TBC1D1: variants seen among roughly 807,000 people sequenced by gnomAD.
The protein encoded by TBC1D1 is TBC1 domain family member 1.
In TBC1D1, 89 loss-of-function variants were observed where a neutral mutation model predicts 125.6. The observed-to-expected ratio is 0.71, with a 90% CI of 0.60 to 0.85. TBC1D1 has a LOEUF of 0.85. Ranked by LOEUF, TBC1D1 falls within the 40% of genes least tolerant of loss-of-function variation. The probability of loss-of-function intolerance (pLI) is 0.00; values close to 1 mark genes in which losing one functional copy is unlikely to be tolerated. For missense variants in TBC1D1, 1,377 were observed against 1,469.2 expected (o/e 0.94, Z 1.03); for synonymous variants, 565 against 564.1 (o/e 1.00, Z -0.02).
intron 19 of TBC1D1, among the ~76,000 whole-genome samples, chr4:38,135,262 A>G (rs1488998397): frequency 1.3e-5 from 2 of 152,230 alleles, no homozygotes; most frequent in South Asian, 4.1e-4. Flanking sequence ...TCCCTGTTAA[A>G]TACATGTGAA....
chr4:37,939,416 A>C (rs1320423140), intron 2 of TBC1D1, among the ~76,000 whole-genome samples: 2 of 152,056 alleles, frequency 1.3e-5, no homozygotes, highest in Non-Finnish European at 2.9e-5. Flanking sequence ...TAGATTCTGG[A>C]TATTAGCCCT....
rs141022543 is a variant in TBC1D1 at position 38,129,925 on chromosome 4, G to A, written c.3133-3159G>A. On this transcript the variant is annotated intron_variant, in intron 18 of 19. Coordinates refer to ENST00000261439, the MANE Select transcript of TBC1D1 (RefSeq NM_015173.4). ...TGCTGATGGCAGTGCACATTGATTA[G>A]TGGCTGTTGGGAGACAATTTGGCGA... Among the ~76,000 whole-genome samples, 547 of 152,296 alleles carry A rather than the reference G, an allele frequency of 3.6e-3. 4 individuals are homozygous for A. The highest frequency in any genetic ancestry group is 0.012 in the African/African-American group (498 of 41,550).
intron 8 of TBC1D1, among the ~76,000 whole-genome samples, chr4:38,042,717 T>C (rs1748630898): frequency 6.6e-6 from 1 of 152,168 alleles, no homozygotes; most frequent in Non-Finnish European, 1.5e-5. Context: ...GAGGAACATT[T>C]CACCTGGGCA....
intron 2 of TBC1D1, among the ~76,000 whole-genome samples, chr4:37,989,287 T>A (rs756440771): frequency 6.6e-6 from 1 of 152,230 alleles, no homozygotes; most frequent in Non-Finnish European, 1.5e-5. Flanking sequence ...TGATTCCAGA[T>A]CTTTAGATAA....
chr4:38,022,211 A>G (rs1744191006), intron 6 of TBC1D1, among the ~76,000 whole-genome samples: 1 of 151,862 alleles, frequency 6.6e-6, no homozygotes, highest in African/African-American at 2.4e-5. Flanking sequence ...AACGGTGACT[A>G]TTAGTATTGA....
intron 14 of TBC1D1, among the ~76,000 whole-genome samples, chr4:38,099,376 A>G (rs547618038): frequency 6.6e-6 from 1 of 152,188 alleles, no homozygotes; most frequent in African/African-American, 2.4e-5. Flanking sequence ...GTGCGTATAC[A>G]TGGAAAAACA....
chr4:38,103,274 T>A, intron 15 of TBC1D1, 117 bp downstream of exon 17: 1 of 1,031,928 alleles, frequency 9.7e-7, no homozygotes. Flanking sequence ...CAAAATTTAC[T>A]ACTGAGACTT....
intron 1 of TBC1D1, among the ~76,000 whole-genome samples, chr4:37,893,094 T>A (rs1340196474): frequency 6.6e-6 from 1 of 152,124 alleles, no homozygotes; most frequent in Non-Finnish European, 1.5e-5. Flanking sequence ...CACAGCAGCA[T>A]CTTCAGTTGT....
chr4:37,948,234 T>C (rs7661459), intron 2 of TBC1D1, among the ~76,000 whole-genome samples: 108,272 of 152,134 alleles, frequency 0.71, 38,899 homozygotes, highest in East Asian at 0.96. Flanking sequence ...AGTGGGTGTG[T>C]GAAGAAGAGC....
chr4:37,932,003 A>T (rs1240154964), intron 2 of TBC1D1, among the ~76,000 whole-genome samples: 1 of 152,186 alleles, frequency 6.6e-6, no homozygotes, highest in Non-Finnish European at 1.5e-5. Context: ...TTTTGGTAGG[A>T]TTTTGACTAA....
chr4:38,111,638 C>CAAAAGCTTCAAAT (rs1468204994), intron 15 of TBC1D1, among the ~76,000 whole-genome samples: 18 of 152,236 alleles, frequency 1.2e-4, no homozygotes, highest in Admixed American at 8.5e-4. Flanking sequence ...TTATTTGAAG[C>CAAAAGCTTCAAAT]ATATAAAGCA....
At chr4:38,052,728 G>GCGCGCGCGCACA (rs1491148206) in intron 11 of TBC1D1, among the ~76,000 whole-genome samples, 6 of 118,276 alleles carry the variant, frequency 5.1e-5, no homozygotes, top group African/African-American at 2.1e-4. Flanking sequence ...GCGCGCGCGC[G>GCGCGCGCGCACA]CACACACACA....
At chr4:38,119,551 T>G (rs1484709940) in intron 17 of TBC1D1, among the ~76,000 whole-genome samples, 1 of 152,038 alleles carries the variant, frequency 6.6e-6, no homozygotes, top group Non-Finnish European at 1.5e-5. Context: ...AGCCTCAAAA[T>G]TGTGTGCTTA....
chr4:38,006,599 C>T (rs1703834120), intron 2 of TBC1D1, among the ~76,000 whole-genome samples: 1 of 151,828 alleles, frequency 6.6e-6, no homozygotes, highest in Admixed American at 6.6e-5. Flanking sequence ...CTGCCTCAGC[C>T]TCCCGAGTAG....
At chr4:38,021,552 T>A in intron 5 of TBC1D1, 34 bp from the exon 6 acceptor site, 1 of 1,469,602 alleles carries the variant, frequency 6.8e-7, no homozygotes, top group Non-Finnish European at 9.0e-7. Flanking sequence ...AAATTGACTT[T>A]TTGGTGACTA....
intron 6 of TBC1D1, among the ~76,000 whole-genome samples, chr4:38,024,814 C>T (rs13116058): frequency 0.033 from 4,986 of 152,232 alleles, 114 homozygotes; most frequent in Non-Finnish European, 0.052. Flanking sequence ...TGATCAAGAA[C>T]TCTGTAAAAC....
intron 2 of TBC1D1, among the ~76,000 whole-genome samples, chr4:37,948,129 A>C (rs1235889921): frequency 6.6e-6 from 1 of 152,160 alleles, no homozygotes; most frequent in Non-Finnish European, 1.5e-5. Context: ...TGGTAGGAAA[A>C]AGAGTGTGAA....
intron 18 of TBC1D1, 36 bp from the exon 21 acceptor site, chr4:38,133,046 TCA>T: frequency 6.3e-7 from 1 of 1,578,186 alleles, no homozygotes; most frequent in South Asian, 1.2e-5. Flanking sequence ...GGGGTTTTTC[TCA>T]GTTTTAGTAC....
chr4:38,063,380 C>A (rs1430211260), intron 12 of TBC1D1, among the ~76,000 whole-genome samples: 1 of 152,130 alleles, frequency 6.6e-6, no homozygotes, highest in African/African-American at 2.4e-5. Context: ...CATCCTGGTC[C>A]CTGGTCCTCT....
Sources: gnomAD v4.1 joint callset for allele counts (sites outside exome capture counted in the v4.1 genomes callset) on GRCh38, gnomAD v4.1.1 for gene constraint, MANE v1.5 for transcripts, NCBI Gene and HGNC (gene_info 2026-07-23, HGNC 2026-07-21) for gene names.